RASEF: variants seen among roughly 807,000 people sequenced by gnomAD.
RASEF encodes the protein ras and EF-hand domain-containing protein.
A neutral mutation model predicts 90.1 loss-of-function variants in RASEF; 68 were observed. The ratio of observed to expected loss-of-function variants is 0.75; its 90% CI spans 0.62 to 0.92. The LOEUF (loss-of-function observed/expected upper bound fraction) is 0.92, where lower values mean the gene tolerates loss of function less well. Ranked by LOEUF, RASEF falls within the 40% of genes least tolerant of loss-of-function variation. The pLI is 0.00. For missense variants in RASEF, 949 were observed against 937.2 expected (o/e 1.01, Z -0.16); for synonymous variants, 331 against 345.2 (o/e 0.96, Z 0.46).
the RASEF span, among the ~76,000 whole-genome samples, chr9:83,082,024 A>G: frequency 6.6e-6 from 1 of 152,198 alleles, no homozygotes; most frequent in Non-Finnish European, 1.5e-5. Flanking sequence ...CATAGTTACC[A>G]GGAAATGTAG....
intron 1 of RASEF, among the ~76,000 whole-genome samples, chr9:83,035,948 T>C (rs1381655623): frequency 6.6e-6 from 1 of 152,232 alleles, no homozygotes; most frequent in East Asian, 1.9e-4. Context: ...TATTACCTAT[T>C]ATTAAACTGT....
Position 83,025,775 on chromosome 9 carries a change from C to A in RASEF, c.578G>T (p.Arg193Ile). The part of the protein sequence containing the change: ...EMENLAIAVK[R>I]AQDKAAMQLS... ...ACTTATAAAGGAAGGACTTCAATAC[C>A]TCTTCACCGCAATGGCCAAATTTTC... Residue 193 changes from arginine (R) to isoleucine (I), a missense_variant and splice_region_variant, in exon 2 of 17, where the codon AGA becomes ATA. By Grantham distance (97) the Arg-to-Ile change is moderately conservative. Coordinates refer to ENST00000376447, the MANE Select transcript of RASEF (RefSeq NM_152573.4). 6.2e-7 allele frequency: 1 copy of A among 1,613,190 alleles called. No homozygotes were observed. The highest frequency in any genetic ancestry group is 8.5e-7 in the Non-Finnish European group (1 of 1,179,728).
intron 1 of RASEF, among the ~76,000 whole-genome samples, chr9:83,037,907 C>A (rs1186921876): frequency 6.6e-6 from 1 of 151,782 alleles, no homozygotes; most frequent in African/African-American, 2.4e-5. Flanking sequence ...GAAAAGTAAG[C>A]CTGAAAACAG....
At chr9:83,140,958 C>T in the RASEF span, among the ~76,000 whole-genome samples, 1 of 151,930 alleles carries the variant, frequency 6.6e-6, no homozygotes, top group Admixed American at 6.6e-5. Context: ...GCCTTGCCAA[C>T]ATGGTGAAAC....
chr9:83,077,821 G>C, the RASEF span, among the ~76,000 whole-genome samples: 3 of 152,184 alleles, frequency 2.0e-5, no homozygotes, highest in Admixed American at 2.0e-4. Context: ...TGAACTAGAA[G>C]AGCCTGAATT....
chr9:83,047,023 G>A (rs1357104000), intron 1 of RASEF, among the ~76,000 whole-genome samples: 2 of 152,144 alleles, frequency 1.3e-5, no homozygotes, highest in Admixed American at 6.6e-5. Context: ...TTTTACAGTT[G>A]TAAATGATCA....
the RASEF span, among the ~76,000 whole-genome samples, chr9:83,133,919 A>G: frequency 6.6e-6 from 1 of 152,082 alleles, no homozygotes; most frequent in Non-Finnish European, 1.5e-5. Flanking sequence ...TAAGAAACCA[A>G]TGCTTATTTT....
the RASEF span, among the ~76,000 whole-genome samples, chr9:83,111,762 TG>T: frequency 6.6e-6 from 1 of 151,246 alleles, no homozygotes; most frequent in Non-Finnish European, 1.5e-5. Context: ...CAGAAAAAAA[TG>T]GATGAATATG....
At chr9:83,155,588 T>C in the RASEF span, among the ~76,000 whole-genome samples, 1 of 152,104 alleles carries the variant, frequency 6.6e-6, no homozygotes, top group Non-Finnish European at 1.5e-5. Context: ...TTATGAGAGC[T>C]ACAGTTCAAG....
the RASEF span, among the ~76,000 whole-genome samples, chr9:83,185,851 A>C: frequency 6.6e-6 from 1 of 152,148 alleles, no homozygotes; most frequent in East Asian, 1.9e-4. Context: ...CTCTCAGCTG[A>C]ACTTCTGACA....
chr9:83,004,073 G>A (rs1240974719), intron 9 of RASEF, among the ~76,000 whole-genome samples: 3 of 152,154 alleles, frequency 2.0e-5, no homozygotes, highest in Non-Finnish European at 4.4e-5. Context: ...TATTTGCTTT[G>A]AGAGTTTCCC....
chr9:82,990,860 A>G (rs1587477051), intron 15 of RASEF, among the ~76,000 whole-genome samples: 1 of 151,644 alleles, frequency 6.6e-6, no homozygotes, highest in South Asian at 2.1e-4. Context: ...CAGCTAACAC[A>G]CCCTCCTTCC....
chr9:83,001,967 G>A (rs1829048364), intron 9 of RASEF, among the ~76,000 whole-genome samples: 1 of 152,168 alleles, frequency 6.6e-6, no homozygotes, highest in African/African-American at 2.4e-5. Context: ...TACCATTAGT[G>A]AAACTCTGAA....
At chr9:83,039,548 C>G (rs1829801592) in intron 1 of RASEF, among the ~76,000 whole-genome samples, 1 of 152,132 alleles carries the variant, frequency 6.6e-6, no homozygotes, top group East Asian at 1.9e-4. Context: ...CTTGCCTGCA[C>G]AGGGTTAGGG....
the RASEF span, among the ~76,000 whole-genome samples, chr9:83,119,829 T>C: frequency 6.6e-6 from 1 of 152,228 alleles, no homozygotes; most frequent in Non-Finnish European, 1.5e-5. Flanking sequence ...AGCTATTTCC[T>C]GGTTTTCATC....
At chr9:83,033,501 G>A (rs978227516) in intron 1 of RASEF, among the ~76,000 whole-genome samples, 1 of 152,184 alleles carries the variant, frequency 6.6e-6, no homozygotes, top group Non-Finnish European at 1.5e-5. Context: ...CACAGCGTCA[G>A]GCAGGAGAGC....
chr9:83,084,220 T>G, the RASEF span, among the ~76,000 whole-genome samples: 1 of 152,178 alleles, frequency 6.6e-6, no homozygotes, highest in Non-Finnish European at 1.5e-5. Context: ...TTTACTACAA[T>G]AAGTTTAAAA....
intron 1 of RASEF, among the ~76,000 whole-genome samples, chr9:83,036,827 TAATA>T (rs768481430): frequency 1.8e-4 from 27 of 152,128 alleles, no homozygotes; most frequent in Non-Finnish European, 3.7e-4. Flanking sequence ...AGCAAGATAT[TAATA>T]AATAAGGAAA....
the RASEF span, among the ~76,000 whole-genome samples, chr9:83,215,464 C>T: frequency 6.6e-6 from 1 of 152,310 alleles, no homozygotes; most frequent in East Asian, 1.9e-4. Context: ...AGGGCTGGAG[C>T]CTATAGTGCT....
Sources: allele counts gnomAD v4.1 joint callset (sites outside exome capture counted in the v4.1 genomes callset), GRCh38; gene constraint gnomAD v4.1.1; transcripts MANE v1.5; gene names NCBI Gene and HGNC (gene_info 2026-07-23, HGNC 2026-07-21).